SCHIP1: variants seen among roughly 807,000 people sequenced by gnomAD.
SCHIP1 encodes schwannomin interacting protein 1.
SCHIP1 carries 8 observed loss-of-function variants against 29.7 expected under a neutral mutation model. That is an observed-to-expected ratio of 0.27 (90% CI 0.16 to 0.49). SCHIP1 has a LOEUF of 0.49. Ranked by LOEUF, SCHIP1 falls within the 20% of genes least tolerant of loss-of-function variation. The pLI is 0.99. For missense variants in SCHIP1, 193 were observed against 294.6 expected (o/e 0.66, Z 2.52); for synonymous variants, 76 against 94.9 (o/e 0.80, Z 1.16).
chr3:159,739,125 G>A, the SCHIP1 span, among the ~76,000 whole-genome samples: 3 of 152,154 alleles, frequency 2.0e-5, no homozygotes, highest in Non-Finnish European at 2.9e-5. Flanking sequence ...GACAGGGACC[G>A]GGGATGATAA....
the SCHIP1 span, among the ~76,000 whole-genome samples, chr3:159,664,612 G>A: frequency 1.3e-5 from 2 of 152,310 alleles, no homozygotes; most frequent in East Asian, 1.9e-4. Context: ...AAATTATGGG[G>A]TCTTAATGAA....
At chr3:159,382,106 G>A in the SCHIP1 span, among the ~76,000 whole-genome samples, 1 of 145,994 alleles carries the variant, frequency 6.8e-6, no homozygotes, top group African/African-American at 2.5e-5. Flanking sequence ...TTTTTTTTTA[G>A]TTCATTTTAT....
chr3:159,484,033 G>T, the SCHIP1 span, among the ~76,000 whole-genome samples: 1 of 152,162 alleles, frequency 6.6e-6, no homozygotes, highest in Non-Finnish European at 1.5e-5. Flanking sequence ...ACAGACCACA[G>T]TGCAAACTAA....
At chr3:159,415,085 A>T in the SCHIP1 span, among the ~76,000 whole-genome samples, 2 of 152,172 alleles carry the variant, frequency 1.3e-5, no homozygotes, top group Non-Finnish European at 2.9e-5. Flanking sequence ...TTGAGATCAG[A>T]CCAGCAGCTA....
At chr3:159,659,352 G>T in the SCHIP1 span, among the ~76,000 whole-genome samples, 2 of 152,198 alleles carry the variant, frequency 1.3e-5, no homozygotes, top group Non-Finnish European at 2.9e-5. Flanking sequence ...AGCACAAGGT[G>T]GCCAGGTACA....
chr3:159,522,554 C>A, the SCHIP1 span, among the ~76,000 whole-genome samples: 1 of 152,156 alleles, frequency 6.6e-6, no homozygotes, highest in African/African-American at 2.4e-5. Context: ...AATTTAGAAG[C>A]CTGTCTACTG....
chr3:159,737,067 G>T, the SCHIP1 span, among the ~76,000 whole-genome samples: 1 of 152,168 alleles, frequency 6.6e-6, no homozygotes, highest in African/African-American at 2.4e-5. Context: ...CTCTGGGTCT[G>T]TCCTTTGTGT....
the SCHIP1 span, among the ~76,000 whole-genome samples, chr3:159,538,858 C>T: frequency 6.6e-5 from 10 of 152,014 alleles, no homozygotes; most frequent in African/African-American, 2.4e-4. Context: ...TTATTGGATG[C>T]TTCATATTAT....
chr3:159,615,562 G>A, the SCHIP1 span, among the ~76,000 whole-genome samples: 1 of 152,318 alleles, frequency 6.6e-6, no homozygotes, highest in South Asian at 2.1e-4. Flanking sequence ...CTTGGACTGA[G>A]AAGTCCCATT....
chr3:159,734,451 CT>C, the SCHIP1 span, among the ~76,000 whole-genome samples: 14 of 151,874 alleles, frequency 9.2e-5, no homozygotes, highest in African/African-American at 3.1e-4. Flanking sequence ...ATACTGTTAT[CT>C]TTTATAAGAT....
chr3:159,774,055 T>C, the SCHIP1 span, among the ~76,000 whole-genome samples: 2 of 152,372 alleles, frequency 1.3e-5, no homozygotes, highest in Admixed American at 6.5e-5. Context: ...TGTAGTGTTT[T>C]TGAGTGTTCC....
At chr3:159,736,362 G>A in the SCHIP1 span, among the ~76,000 whole-genome samples, 58 of 152,254 alleles carry the variant, frequency 3.8e-4, no homozygotes, top group Non-Finnish European at 5.9e-4. Context: ...TTACCCCAAG[G>A]CAAGTGTTTC....
chr3:159,369,150 TATG>T, the SCHIP1 span, among the ~76,000 whole-genome samples: 1 of 152,230 alleles, frequency 6.6e-6, no homozygotes, highest in South Asian at 2.1e-4. Context: ...TCAAAAATTG[TATG>T]ATATCAATGA....
chr3:159,781,931 G>A, the SCHIP1 span, among the ~76,000 whole-genome samples: 2 of 152,202 alleles, frequency 1.3e-5, no homozygotes, highest in Non-Finnish European at 2.9e-5. Flanking sequence ...CACATTGTGT[G>A]GTAATTAATA....
the SCHIP1 span, among the ~76,000 whole-genome samples, chr3:159,571,210 G>C: frequency 6.6e-6 from 1 of 152,146 alleles, no homozygotes; most frequent in African/African-American, 2.4e-5. Flanking sequence ...TCCTTGTCTT[G>C]TTCCGGTTTT....
At chr3:159,676,622 C>T in the SCHIP1 span, among the ~76,000 whole-genome samples, 4 of 152,068 alleles carry the variant, frequency 2.6e-5, no homozygotes, top group Admixed American at 2.0e-4. Context: ...CTTGAGCAGT[C>T]TCTCTAGCTG....
the SCHIP1 span, among the ~76,000 whole-genome samples, chr3:159,352,859 G>A: frequency 6.6e-6 from 1 of 151,522 alleles, no homozygotes; most frequent in Non-Finnish European, 1.5e-5. Flanking sequence ...AAAATAACTT[G>A]GATATTTAAG....
At chr3:159,502,660 C>A in the SCHIP1 span, among the ~76,000 whole-genome samples, 2 of 150,706 alleles carry the variant, frequency 1.3e-5, no homozygotes, top group Non-Finnish European at 1.5e-5. Flanking sequence ...CACCCCACAA[C>A]AGTCCCCAGA....
At chr3:159,782,910 A>T in the SCHIP1 span, among the ~76,000 whole-genome samples, 1 of 152,162 alleles carries the variant, frequency 6.6e-6, no homozygotes, top group African/African-American at 2.4e-5. Flanking sequence ...CTCTCCTCCC[A>T]GAAGTCCTGA....
Sources: allele counts gnomAD v4.1 joint callset (sites outside exome capture counted in the v4.1 genomes callset), GRCh38; gene constraint gnomAD v4.1.1; transcripts MANE v1.5; gene names NCBI Gene and HGNC (gene_info 2026-07-23, HGNC 2026-07-21).